KDM7A: variants seen among roughly 807,000 people sequenced by gnomAD.
KDM7A encodes lysine-specific demethylase 7A.
In KDM7A, 28 loss-of-function variants were observed where a neutral mutation model predicts 114.8. The observed-to-expected ratio is 0.24, with a 90% CI of 0.18 to 0.33. The LOEUF (loss-of-function observed/expected upper bound fraction) is 0.33. Ranked by LOEUF, KDM7A falls within the 10% of genes least tolerant of loss-of-function variation. The pLI is 1.00. For synonymous variants in KDM7A, 423 were observed against 397.8 expected, an observed-to-expected ratio of 1.06 and a Z score of -0.75; for missense variants, 942 against 1,142.5, an observed-to-expected ratio of 0.82 and a Z score of 2.53.
intron 15 of KDM7A, 104 bp downstream of exon 15, chr7:140,097,441 G>A (rs1413747875): frequency 1.5e-6 from 1 of 657,566 alleles, no homozygotes; most frequent in East Asian, 2.7e-5. Flanking sequence ...AAGTCAGACA[G>A]ACAAGCTTTG....
intron 19 of KDM7A, 74 bp downstream of exon 19, chr7:140,091,730 C>G: frequency 6.6e-7 from 1 of 1,511,626 alleles, no homozygotes; most frequent in Non-Finnish European, 9.1e-7. Context: ...AGTGCAGAGA[C>G]TACACCTCAA....
In KDM7A at chr7:140,124,754, T is replaced by C. The variant is rs1818672058; in HGVS notation, c.918A>G (p.Pro306=). The C allele has an allele frequency of 1.9e-6, 3 of 1,609,936 alleles. No individual in the cohort carries two copies. The highest frequency in any genetic ancestry group is 2.2e-5 in the South Asian group (2 of 90,110). ...CATAACGTGCCAAATTTTCATCTGT[T>C]GGCTTTATTAAATAAAAAATCTTCT... ...WGEKIFYLIK[P]TDENLARYES... Residue 306 remains proline, a synonymous_variant, in exon 7 of 20, where the codon CCA becomes CCG. Transcript: ENST00000397560.
chr7:140,165,845 G>GAA (rs11440764), intron 1 of KDM7A, among the ~76,000 whole-genome samples: 73 of 151,064 alleles, frequency 4.8e-4, no homozygotes, highest in African/African-American at 1.1e-3. Flanking sequence ...AGTAAGGAAA[G>GAA]AAAAAAAAAC....
intron 11 of KDM7A, among the ~76,000 whole-genome samples, chr7:140,105,381 A>C (rs1309379979): frequency 1.3e-5 from 2 of 152,156 alleles, no homozygotes; most frequent in African/African-American, 4.8e-5. Flanking sequence ...TTCAAAGGGA[A>C]TGCTTCCAGT....
At chr7:140,163,156 G>A (rs1290891189) in intron 1 of KDM7A, among the ~76,000 whole-genome samples, 1 of 151,882 alleles carries the variant, frequency 6.6e-6, no homozygotes, top group Non-Finnish European at 1.5e-5. Flanking sequence ...CATCATGCCC[G>A]ACTAATTTTT....
At chr7:140,128,455 T>A (rs1429172850) in intron 4 of KDM7A, among the ~76,000 whole-genome samples, 1 of 152,242 alleles carries the variant, frequency 6.6e-6, no homozygotes, top group African/African-American at 2.4e-5. Context: ...TCATAGTATT[T>A]AACTGAAGTG....
chr7:140,091,673 C>T, intron 19 of KDM7A, 131 bp downstream of exon 19: 1 of 984,578 alleles, frequency 1.0e-6, no homozygotes, highest in Non-Finnish European at 1.6e-6. Context: ...CCTGTGTATA[C>T]TGCCATCACT....
At chr7:140,129,199 A>G (rs1339580216) in intron 4 of KDM7A, among the ~76,000 whole-genome samples, 1 of 152,142 alleles carries the variant, frequency 6.6e-6, no homozygotes, top group African/African-American at 2.4e-5. Flanking sequence ...CCTGGTATCT[A>G]TATCTATCCC....
At chr7:140,126,128 G>C (rs1818697486) in intron 6 of KDM7A, among the ~76,000 whole-genome samples, 1 of 152,038 alleles carries the variant, frequency 6.6e-6, no homozygotes, top group African/African-American at 2.4e-5. Context: ...GGCTGGTCTT[G>C]AACTCCTGGG....
intron 7 of KDM7A, among the ~76,000 whole-genome samples, chr7:140,124,169 G>A (rs1292698103): frequency 6.6e-6 from 1 of 151,870 alleles, no homozygotes. Flanking sequence ...AGTATCCAAA[G>A]AGGCAAATCC....
At chr7:140,115,362 A>G (rs1818509197) in intron 9 of KDM7A, among the ~76,000 whole-genome samples, 3 of 152,244 alleles carry the variant, frequency 2.0e-5, no homozygotes. Flanking sequence ...AAAGGGGAAA[A>G]TGTGGGGAAA....
At chr7:140,175,568 A>G (rs1794693680) in intron 1 of KDM7A, among the ~76,000 whole-genome samples, 1 of 152,170 alleles carries the variant, frequency 6.6e-6, no homozygotes, top group South Asian at 2.1e-4. Context: ...TGGGAGCCCA[A>G]CCCCAACTAG....
In KDM7A at chr7:140,143,661, T is replaced by C. The variant is rs77969607; in HGVS notation, c.195-4471A>G. Among the ~76,000 whole-genome samples, 968 of 152,312 alleles carry C rather than the reference T, an allele frequency of 6.4e-3. 3 individuals are homozygous for C. Among genetic ancestry groups the C allele is most frequent in the Non-Finnish European group, 9.9e-3 (673 of 68,022 alleles). The stretch of plus-strand genomic sequence containing the variant: ...ACCTCCGGATATGCAAAAACAAGCC[T>C]ACTCTCACCTGAGAGAACTCTAGTA... On this transcript the variant is annotated intron_variant, in intron 1 of 19. Transcript: ENST00000397560.
At chr7:140,126,558 A>T in intron 6 of KDM7A, 79 bp downstream of exon 6, 1 of 788,878 alleles carries the variant, frequency 1.3e-6, no homozygotes, top group Non-Finnish European at 1.9e-6. Context: ...AGTAACATTT[A>T]CAAGAAATGA....
chr7:140,163,542 A>G (rs1562961113), intron 1 of KDM7A, among the ~76,000 whole-genome samples: 2 of 152,006 alleles, frequency 1.3e-5, no homozygotes, highest in Admixed American at 6.6e-5. Flanking sequence ...TCGGTCTCCC[A>G]AAGCACTGGG....
intron 1 of KDM7A, among the ~76,000 whole-genome samples, chr7:140,154,182 A>G (rs899525860): frequency 2.0e-5 from 3 of 152,090 alleles, no homozygotes; most frequent in Non-Finnish European, 4.4e-5. Flanking sequence ...CCCTTAAAAA[A>G]CATTTTTTTT....
intron 10 of KDM7A, 38 bp from the exon 11 acceptor site, chr7:140,111,222 A>G (rs1477047286): frequency 7.4e-7 from 1 of 1,350,124 alleles, no homozygotes; most frequent in South Asian, 1.2e-5. Flanking sequence ...AACCAAAGTT[A>G]TTTACACTTT....
At chr7:140,114,391 A>G (rs1818481386) in intron 9 of KDM7A, among the ~76,000 whole-genome samples, 1 of 152,138 alleles carries the variant, frequency 6.6e-6, no homozygotes, top group South Asian at 2.1e-4. Context: ...GCTGGTCTCC[A>G]GCTCCTAACC....
chr7:140,172,952 C>T (rs1794662734), intron 1 of KDM7A, among the ~76,000 whole-genome samples: 2 of 152,038 alleles, frequency 1.3e-5, no homozygotes, highest in Non-Finnish European at 2.9e-5. Flanking sequence ...TCCGATTTTT[C>T]CTTAATATAT....
Sources: allele counts gnomAD v4.1 joint callset (sites outside exome capture counted in the v4.1 genomes callset), GRCh38; gene constraint gnomAD v4.1.1; transcripts MANE v1.5; gene names NCBI Gene and HGNC (gene_info 2026-07-23, HGNC 2026-07-21).